The following CACNA1C variants were observed in gnomAD, a reference collection of about 807,000 sequenced individuals.
The protein encoded by CACNA1C is calcium voltage-gated channel subunit alpha1 C.
CACNA1C carries 30 observed loss-of-function variants against 229.0 expected under a neutral mutation model. That is an observed-to-expected ratio of 0.13 (90% CI 0.10 to 0.18). The LOEUF (loss-of-function observed/expected upper bound fraction) is 0.18. Ranked by LOEUF, CACNA1C falls within the 10% of genes least tolerant of loss-of-function variation. The pLI, the probability that CACNA1C is intolerant of heterozygous loss-of-function variation, is 1.00. For synonymous variants in CACNA1C, 1,114 were observed against 1,132.5 expected, an observed-to-expected ratio of 0.98 and a Z score of 0.33; for missense variants, 1,658 against 2,845.0, an observed-to-expected ratio of 0.58 and a Z score of 9.49.
At chr12:2,018,856 C>T (rs960117234) in intron 1 of CACNA1C, among the ~76,000 whole-genome samples, 9 of 152,280 alleles carry the variant, frequency 5.9e-5, no homozygotes, top group Non-Finnish European at 1.3e-4. Context: ...CTTACGATAA[C>T]ATTGGATTTT....
rs532732482 is a variant in CACNA1C, at chr12:2,253,643, G to A, written c.477+133213G>A. Among the ~76,000 whole-genome samples the A allele has an allele frequency of 1.4e-4, 22 of 152,264 alleles. 1 individual carries two copies. The South Asian group carries it at 2.7e-3, about 19-fold the overall frequency. Reference sequence around the variant, plus strand: ...TCCCTGAAATAATGATACCTTCCTCGCAGGAGGGTGTTGAGGATTAAATAA... The same window carrying A: ...TCCCTGAAATAATGATACCTTCCTCACAGGAGGGTGTTGAGGATTAAATAA... On this transcript the variant is annotated intron_variant, in intron 3 of 46. Coordinates refer to ENST00000399655, the MANE Select transcript of CACNA1C (RefSeq NM_000719.7).
At position 2,602,047 on chromosome 12, in the gene CACNA1C, G is replaced by T. The variant is rs1187541101; in HGVS notation, c.2960+87G>T. On this transcript the variant is annotated intron_variant, in intron 22 of 46. Coordinates refer to ENST00000399655, the MANE Select transcript of CACNA1C (RefSeq NM_000719.7). This position sits in a 1 kb window ranked among gnomAD's most constrained non-coding sequence, Gnocchi z 4.4. ...CAACCAGACCCTGGAGGGCCTGCCTGCAGGGCCACCGCAGTGTGATGAGAG... is the reference window on the plus strand; with the variant it reads ...CAACCAGACCCTGGAGGGCCTGCCTTCAGGGCCACCGCAGTGTGATGAGAG... 6 of 847,442 alleles carry T rather than the reference G, an allele frequency of 7.1e-6. No homozygotes were observed. In the Middle Eastern group the frequency reaches 6.7e-4, roughly 94 times the overall value. The allele number at this position is 847,442 out of a possible 1,614,324, so 52.5% of individuals were successfully genotyped here.
chr12:1,994,504 T>C (rs374424625), intron 1 of CACNA1C, among the ~76,000 whole-genome samples: 6 of 152,212 alleles, frequency 3.9e-5, no homozygotes, highest in African/African-American at 1.4e-4. Context: ...GTGGTAAGCA[T>C]ACAATCAATA....
intron 3 of CACNA1C, among the ~76,000 whole-genome samples, chr12:2,230,423 C>T (rs985866754): frequency 2.0e-5 from 3 of 152,230 alleles, no homozygotes; most frequent in African/African-American, 7.2e-5. Flanking sequence ...ACAGTCAGCC[C>T]TCTGCCGGCG....
chr12:2,417,280 A>G (rs1312031853), intron 3 of CACNA1C, among the ~76,000 whole-genome samples: 5 of 152,202 alleles, frequency 3.3e-5, no homozygotes. Context: ...ATGTCCTGTC[A>G]TGATCAGCTT....
chr12:2,211,317 A>T (rs1440824692), intron 3 of CACNA1C, among the ~76,000 whole-genome samples: 1 of 152,242 alleles, frequency 6.6e-6, no homozygotes, highest in Non-Finnish European at 1.5e-5. Flanking sequence ...GGATTGGTCC[A>T]GGCTGTGCCT....
intron 9 of CACNA1C, among the ~76,000 whole-genome samples, chr12:2,515,277 CTG>C (rs1203685207): frequency 5.3e-5 from 8 of 152,136 alleles, no homozygotes; most frequent in Non-Finnish European, 7.4e-5. Context: ...TGGGAAGAGA[CTG>C]TGTCTGTTGG....
chr12:2,470,404 G>A (rs1048430783), intron 5 of CACNA1C, among the ~76,000 whole-genome samples: 3 of 152,172 alleles, frequency 2.0e-5, no homozygotes. Flanking sequence ...TCTAAATGTT[G>A]GAAAGAAAAA....
intron 1 of CACNA1C, among the ~76,000 whole-genome samples, chr12:2,069,344 C>T (rs151037659): frequency 3.5e-4 from 54 of 152,288 alleles, no homozygotes; most frequent in African/African-American, 1.1e-3. Context: ...AAACCAAAGA[C>T]GGAGCCTTAT....
intron 26 of CACNA1C, 126 bp downstream of exon 26, chr12:2,607,256 C>T: frequency 2.2e-6 from 2 of 928,924 alleles, no homozygotes; most frequent in Admixed American, 2.7e-5. Context: ...CTGGGTCCTC[C>T]CCAGGCAGTG....
intron 11 of CACNA1C, among the ~76,000 whole-genome samples, chr12:2,564,182 T>G (rs983755119): frequency 2.0e-5 from 3 of 152,160 alleles, no homozygotes; most frequent in African/African-American, 7.2e-5. Flanking sequence ...TGTAAAAATA[T>G]TTTTGCTTAC....
Position 2,410,716 on chromosome 12 carries a change from GTGCACGCATGTGTGTGTGTGCA to G in CACNA1C, c.478-38256_478-38235del, listed in dbSNP as rs2098797508. Among the ~76,000 whole-genome samples, 2 of 148,910 alleles carry G rather than the reference GTGCACGCATGTGTGTGTGTGCA, an allele frequency of 1.3e-5. No individual in the cohort carries two copies. The highest frequency in any genetic ancestry group is 2.5e-5 in the African/African-American group (1 of 40,630). The stretch of plus-strand genomic sequence containing the variant: ...GGCTCGCCTGTGTGTGTGTGTGTGC[GTGCACGCATGTGTGTGTGTGCA>G]TGCGTGTGTGTATTCCAGGAGCTGA... On this transcript the variant is annotated intron_variant, in intron 3 of 46. Coordinates refer to ENST00000399655, the MANE Select transcript of CACNA1C (RefSeq NM_000719.7). This position sits in a 1 kb window ranked among gnomAD's most constrained non-coding sequence, Gnocchi z 5.3.
At chr12:2,394,868 C>CTA (rs1467977468) in intron 3 of CACNA1C, among the ~76,000 whole-genome samples, 7 of 152,160 alleles carry the variant, frequency 4.6e-5, no homozygotes, top group Non-Finnish European at 1.0e-4. Flanking sequence ...CCAGATGTAC[C>CTA]ATAAGCTGTA....
At chr12:2,018,645 C>T (rs1322272886) in intron 1 of CACNA1C, among the ~76,000 whole-genome samples, 1 of 152,178 alleles carries the variant, frequency 6.6e-6, no homozygotes, top group Non-Finnish European at 1.5e-5. Context: ...AATGATGGGA[C>T]GGAGCTCATT....
At chr12:2,438,290 A>ATGATGG (rs1555574307) in intron 3 of CACNA1C, among the ~76,000 whole-genome samples, 2 of 122,528 alleles carry the variant, frequency 1.6e-5, no homozygotes, top group Non-Finnish European at 3.4e-5. Context: ...AGTGGTAATG[A>ATGATGG]TGGTGGTGGT....
At chr12:2,683,457 T>C (rs1399689182) in intron 43 of CACNA1C, among the ~76,000 whole-genome samples, 2 of 152,174 alleles carry the variant, frequency 1.3e-5, no homozygotes, top group Non-Finnish European at 2.9e-5. Flanking sequence ...TCTGGCTCTT[T>C]TCACCCTCAA....
chr12:2,300,319 A>G (rs547459668), intron 3 of CACNA1C, among the ~76,000 whole-genome samples: 1 of 152,364 alleles, frequency 6.6e-6, no homozygotes, highest in Non-Finnish European at 1.5e-5. Context: ...GTGGCATCAC[A>G]TATAAAAAGG....
intron 3 of CACNA1C, among the ~76,000 whole-genome samples, chr12:2,167,219 G>A (rs1399383568): frequency 1.3e-5 from 2 of 152,184 alleles, no homozygotes; most frequent in Non-Finnish European, 2.9e-5. Context: ...GGAATGAAGT[G>A]CCCTGGGAAG....
At chr12:2,085,870 A>G (rs142463764) in intron 1 of CACNA1C, among the ~76,000 whole-genome samples, 132 of 151,968 alleles carry the variant, frequency 8.7e-4, no homozygotes, top group African/African-American at 3.0e-3. Flanking sequence ...TACCAACCCT[A>G]CACTTCAGAT....
Sources: allele counts gnomAD v4.1 joint callset (sites outside exome capture counted in the v4.1 genomes callset), GRCh38; gene constraint gnomAD v4.1.1; non-coding constraint Gnocchi (gnomAD v3.1); transcripts MANE v1.5; gene names NCBI Gene and HGNC (gene_info 2026-07-23, HGNC 2026-07-21).